ARHGEF11: variants seen among roughly 807,000 people sequenced by gnomAD.
ARHGEF11 encodes the protein Rho guanine nucleotide exchange factor 11.
In ARHGEF11, 55 loss-of-function variants were observed where a neutral mutation model predicts 193.7. The observed-to-expected ratio is 0.28, with a 90% confidence interval of 0.23 to 0.36. The LOEUF (loss-of-function observed/expected upper bound fraction) is 0.36, where lower values mean the gene tolerates loss of function less well. Ranked by LOEUF, ARHGEF11 falls within the 10% of genes least tolerant of loss-of-function variation. The probability of loss-of-function intolerance (pLI) is 1.00; values close to 1 mark genes in which losing one functional copy is unlikely to be tolerated. For missense variants in ARHGEF11, 1,723 were observed against 2,005.6 expected, an observed-to-expected ratio of 0.86 and a Z score of 2.69; for synonymous variants, 693 against 768.0, an observed-to-expected ratio of 0.90 and a Z score of 1.62.
intron 1 of ARHGEF11, among the ~76,000 whole-genome samples, chr1:157,041,892 A>G (rs575371814): frequency 6.6e-6 from 1 of 152,286 alleles, no homozygotes; most frequent in African/African-American, 2.4e-5. Context: ...TAATTTTCTA[A>G]AACTCTCCTA....
At chr1:157,024,123 A>T (rs1457308402) in intron 1 of ARHGEF11, among the ~76,000 whole-genome samples, 4 of 152,226 alleles carry the variant, frequency 2.6e-5, no homozygotes, top group Non-Finnish European at 4.4e-5. Context: ...GTATTGATAC[A>T]TGCTACACCA....
intron 3 of ARHGEF11, among the ~76,000 whole-genome samples, chr1:156,980,726 G>GAT (rs1664012369): frequency 6.6e-6 from 1 of 150,642 alleles, no homozygotes; most frequent in Admixed American, 6.7e-5. Context: ...CCAGACTTCT[G>GAT]ATAGCCAGGC....
At chr1:156,945,489 A>G (rs1313452462) in intron 29 of ARHGEF11, 10 of 400,128 alleles carry the variant, frequency 2.5e-5, no homozygotes, top group Non-Finnish European at 4.5e-5. Context: ...ACTGTGGTAA[A>G]TGGCCACAAT....
intron 1 of ARHGEF11, among the ~76,000 whole-genome samples, chr1:157,018,057 A>C (rs1046280669): frequency 7.9e-5 from 12 of 152,206 alleles, no homozygotes. Context: ...ACAAAAATAA[A>C]TGAAAATTGA....
intron 40 of ARHGEF11, among the ~76,000 whole-genome samples, chr1:156,936,496 AAATATATATAT>A (rs1158711010): frequency 6.4e-5 from 5 of 77,720 alleles, no homozygotes; most frequent in Non-Finnish European, 9.3e-5. Context: ...AAAAAAAAAA[AAATATATATAT>A]ATATATATAT....
At chr1:156,983,205 CCTTT>C (rs1335964279) in intron 3 of ARHGEF11, among the ~76,000 whole-genome samples, 1 of 151,892 alleles carries the variant, frequency 6.6e-6, no homozygotes, top group Non-Finnish European at 1.5e-5. Context: ...ACACCCACTG[CCTTT>C]CTTTTTTTTT....
intron 1 of ARHGEF11, among the ~76,000 whole-genome samples, chr1:157,035,886 T>A (rs11264603): frequency 8.5e-5 from 2 of 23,566 alleles, no homozygotes; most frequent in Non-Finnish European, 1.5e-4. Flanking sequence ...TATAGGAATA[T>A]ATATAGGAAT....
chr1:156,943,276 G>C (rs1657455119), intron 32 of ARHGEF11, among the ~76,000 whole-genome samples: 3 of 152,256 alleles, frequency 2.0e-5, no homozygotes, highest in Admixed American at 2.0e-4. Context: ...GGCCAGGCTG[G>C]TCTTGAACTC....
At chr1:157,010,791 A>C (rs1160394728) in intron 1 of ARHGEF11, among the ~76,000 whole-genome samples, 1 of 152,234 alleles carries the variant, frequency 6.6e-6, no homozygotes, top group Non-Finnish European at 1.5e-5. Context: ...AGCGGCAAAA[A>C]GAATAAAATA....
upstream of ARHGEF11, among the ~76,000 whole-genome samples, chr1:157,046,074 T>C (rs1201258380): frequency 2.0e-5 from 3 of 150,698 alleles, no homozygotes; most frequent in Non-Finnish European, 4.4e-5. Flanking sequence ...CCACAACCCT[T>C]TGCCGTCGCT....
intron 20 of ARHGEF11, among the ~76,000 whole-genome samples, chr1:156,955,222 A>G (rs1023563455): frequency 1.3e-5 from 2 of 152,164 alleles, no homozygotes; most frequent in African/African-American, 4.8e-5. Flanking sequence ...TGATAGGATC[A>G]GTTGAGTTTT....
Position 156,956,026 on chromosome 1 carries a change from G to A in ARHGEF11, c.1672-227C>T, listed in dbSNP as rs539452096. On this transcript the variant is annotated intron_variant, in intron 19 of 40. Coordinates refer to ENST00000368194, the MANE Select transcript of ARHGEF11 (RefSeq NM_198236.3). ...TGACTCCACATCCAGGTGGAGGGAT[G>A]TAGCCAGAGACCTGCAAAACGGCTT... is the stretch of plus-strand genomic sequence containing the variant. 2.6e-5 allele frequency among the ~76,000 whole-genome samples: 4 copies of A among 152,344 alleles called. No individual in the cohort carries two copies. In the East Asian group the frequency reaches 7.7e-4, roughly 29 times the overall value.
rs576498627 is a variant in ARHGEF11 at position 157,044,464 on chromosome 1, T to C, written c.-134A>G. ...AAGATAGAATCCTTTCTCCTCCAGC[T>C]CTCAGGACCCTGGTAACTGATGCTC... On this transcript the variant is annotated 5_prime_UTR_variant, in exon 1 of 41. Transcript: ENST00000368194. 6.3e-6 allele frequency: 5 copies of C among 792,930 alleles called. No individual in the cohort carries two copies. In the East Asian group the frequency reaches 9.7e-5, roughly 15 times the overall value. The allele number at this position is 792,930 out of a possible 1,614,324, so 49.1% of individuals were successfully genotyped here. A position where few individuals can be genotyped will look rare whatever the true frequency, so the allele number is the denominator to read the frequency against.
At chr1:157,010,087 AC>A (rs1668368755) in intron 1 of ARHGEF11, among the ~76,000 whole-genome samples, 1 of 152,210 alleles carries the variant, frequency 6.6e-6, no homozygotes, top group East Asian at 1.9e-4. Context: ...TAACCTCAAA[AC>A]TTAGGGAGGC....
rs1184260383 is a variant in ARHGEF11, at chr1:156,961,750, T to G, written c.1166A>C (p.Tyr389Ser). 1 of 1,614,220 alleles carries G rather than the reference T, an allele frequency of 6.2e-7. No individual in the cohort carries two copies. The highest frequency in any genetic ancestry group is 1.3e-5 in the African/African-American group (1 of 75,060). Residue 389 changes from tyrosine (Y) to serine (S), a missense_variant, in exon 14 of 41, where the codon TAT becomes TCT. Physicochemically the swap from Tyr to Ser is moderately radical, Grantham distance 144 (BLOSUM62 -2). This residue lies in a region of ARHGEF11 where 646 missense variants were observed against 710.7 expected (regional missense o/e 0.91). Coordinates refer to ENST00000368194, the MANE Select transcript of ARHGEF11 (RefSeq NM_198236.3). ...GGAATCCTTGGGGCTTGCCTGCTGA[T>G]AAACTTCTGCACACAGGTAAAAAAG... ...PLLFYLCAEVYQQASPKDSRS... is the reference protein window; with the variant it reads ...PLLFYLCAEVSQQASPKDSRS...
At chr1:156,997,049 T>G (rs1666622260) in intron 1 of ARHGEF11, among the ~76,000 whole-genome samples, 1 of 151,400 alleles carries the variant, frequency 6.6e-6, no homozygotes, top group Non-Finnish European at 1.5e-5. Flanking sequence ...TTTTTTTTTT[T>G]GTAGAGATGG....
rs770941954 is a variant in ARHGEF11 at position 157,013,261 on chromosome 1, A to T, written c.33-27088T>A. Among the ~76,000 whole-genome samples the T allele has an allele frequency of 2.1e-4, 23 of 110,338 alleles. 1 individual carries two copies. The highest frequency in any genetic ancestry group is 1.1e-3 in the South Asian group (3 of 2,638). 72.4% of individuals were successfully genotyped at this position (110,338 alleles called of 152,430 possible). A position where few individuals can be genotyped will look rare whatever the true frequency, so the allele number is the denominator to read the frequency against. The stretch of plus-strand genomic sequence containing the variant: ...CAACTGCTCATAACTCCCCACTATC[A>T]CTCACACACACACACACACACACAC... On this transcript the variant is annotated intron_variant, in intron 1 of 40. Coordinates refer to ENST00000368194, the MANE Select transcript of ARHGEF11 (RefSeq NM_198236.3).
At chr1:157,014,444 G>A (rs1668957343) in intron 1 of ARHGEF11, among the ~76,000 whole-genome samples, 1 of 151,418 alleles carries the variant, frequency 6.6e-6, no homozygotes, top group South Asian at 2.1e-4. Context: ...GTCTTGCTCT[G>A]TTGTCCAGGC....
At position 156,963,218 on chromosome 1, in the gene ARHGEF11, C is replaced by A; in HGVS notation, c.1125G>T (p.Ala375=). 1 of 1,613,722 alleles carries A rather than the reference C, an allele frequency of 6.2e-7. No homozygotes were observed. Among genetic ancestry groups the A allele is most frequent in the Non-Finnish European group, 8.5e-7 (1 of 1,179,646 alleles). ...TCTGACTTACCAGTGGACTGGGGTCCGCCTGAGAGAAGATGTAACGTAGAA... is the reference window on the plus strand; with the variant it reads ...TCTGACTTACCAGTGGACTGGGGTCAGCCTGAGAGAAGATGTAACGTAGAA... ...GVFLRYIFSQ[A]DPSPLLFYLC... Residue 375 remains alanine, a synonymous_variant, in exon 13 of 41, where the codon GCG becomes GCT. Coordinates refer to ENST00000368194, the MANE Select transcript of ARHGEF11 (RefSeq NM_198236.3).
Sources: allele counts gnomAD v4.1 joint callset (sites outside exome capture counted in the v4.1 genomes callset), GRCh38; gene constraint gnomAD v4.1.1; regional missense constraint gnomAD v4.1.1; transcripts MANE v1.5; gene names NCBI Gene and HGNC (gene_info 2026-07-23, HGNC 2026-07-21).